NUS1: variants seen among roughly 807,000 people sequenced by gnomAD.
The protein encoded by NUS1 is dehydrodolichyl diphosphate synthase complex subunit NUS1.
For synonymous variants in NUS1, 135 were observed against 155.2 expected, an observed-to-expected ratio of 0.87 and a Z score of 0.97; for missense variants, 292 against 382.9, an observed-to-expected ratio of 0.76 and a Z score of 1.98.
rs1433668009 is a variant in NUS1, at chr6:117,675,869, C to T, written c.199C>T (p.Arg67Cys). ...GCCCCCGGCAGTCGGCAGGAACCGC[C>T]GTCACCACCGGCACCCGCGCGGGGG... ...RKPPAVGRNRRHHRHPRGGSC... is the reference protein window; with the variant it reads ...RKPPAVGRNRCHHRHPRGGSC... Residue 67 changes from arginine to cysteine, a missense_variant, in exon 1 of 5, where the codon CGT becomes TGT. By Grantham distance (180) the Arg-to-Cys change is radical. Transcript: ENST00000368494. 2 of 1,532,622 alleles carry T rather than the reference C, an allele frequency of 1.3e-6. No homozygotes were observed. Among genetic ancestry groups the T allele is most frequent in the South Asian group, 2.4e-5 (2 of 81,874 alleles). 94.9% of individuals were successfully genotyped at this position (1,532,622 alleles called of 1,614,324 possible). A position where few individuals can be genotyped will look rare whatever the true frequency, so the allele number is the denominator to read the frequency against.
intron 3 of NUS1, among the ~76,000 whole-genome samples, chr6:117,703,130 G>A (rs1773435135): frequency 1.3e-5 from 2 of 152,128 alleles, no homozygotes; most frequent in Non-Finnish European, 2.9e-5. Context: ...GTTCATAGCT[G>A]TAAAATGAGG....
At chr6:117,686,118 G>GTACGTAAATGCACCTGTCGTGGACTATA (rs1773135449) in intron 1 of NUS1, among the ~76,000 whole-genome samples, 2 of 151,604 alleles carry the variant, frequency 1.3e-5, no homozygotes, top group African/African-American at 2.4e-5. Context: ...AAAATTAGCC[G>GTACGTAAATGCACCTGTCGTGGACTATA]GGCGTGGTGG....
intron 1 of NUS1, among the ~76,000 whole-genome samples, chr6:117,684,050 GT>G (rs1241373483): frequency 6.6e-6 from 1 of 152,166 alleles, no homozygotes; most frequent in African/African-American, 2.4e-5. Context: ...CTTCTCCTCT[GT>G]TGTACTTCCA....
At chr6:117,682,694 A>G (rs922526314) in intron 1 of NUS1, among the ~76,000 whole-genome samples, 3 of 152,252 alleles carry the variant, frequency 2.0e-5, no homozygotes, top group Non-Finnish European at 2.9e-5. Context: ...GCCTTAAGTC[A>G]TTAGCAGTTT....
chr6:117,676,177 G>A (rs910998049), intron 1 of NUS1, 92 bp downstream of exon 1: 30 of 1,532,468 alleles, frequency 2.0e-5, no homozygotes, highest in Non-Finnish European at 2.6e-5. Context: ...ACGAGTTGCC[G>A]CGGCCTCTCT....
chr6:117,695,546 C>T (rs747726903), intron 3 of NUS1, among the ~76,000 whole-genome samples: 1 of 152,114 alleles, frequency 6.6e-6, no homozygotes, highest in Non-Finnish European at 1.5e-5. Context: ...CAAAGATGAC[C>T]TTCAGGTAGT....
Position 117,707,200 on chromosome 6 carries a change from CAT to C in NUS1, c.*186_*187del, listed in dbSNP as rs1444748111. 122 of 554,734 alleles carry C rather than the reference CAT, an allele frequency of 2.2e-4. No homozygotes were observed. Among genetic ancestry groups the C allele is most frequent in the Admixed American group, 7.3e-4 (25 of 34,174 alleles). The allele number at this position is 554,734 out of a possible 1,614,324, so 34.4% of individuals were successfully genotyped here. On this transcript the variant is annotated 3_prime_UTR_variant, in exon 5 of 5. Transcript: ENST00000368494. ...GTGTGTGTGCGTGTGCACGTGCACA[CAT>C]GTGCACGTTTGTATGTATGGAAATA... is the stretch of plus-strand genomic sequence containing the variant.
intron 3 of NUS1, among the ~76,000 whole-genome samples, chr6:117,698,929 T>C (rs747224613): frequency 2.6e-5 from 4 of 152,168 alleles, no homozygotes; most frequent in Non-Finnish European, 5.9e-5. Flanking sequence ...CAATTGATAC[T>C]GAAGAAGCAT....
rs149134225 is a variant in NUS1, at chr6:117,697,952, C to G, written c.691+3772C>G. On this transcript the variant is annotated intron_variant, in intron 3 of 4. Coordinates refer to ENST00000368494, the MANE Select transcript of NUS1 (RefSeq NM_138459.5). ...ACATTCACAAACATTGAAATAATATCAAGCATCTTCTCTGACCACAATGGA... is the reference window on the plus strand; with the variant it reads ...ACATTCACAAACATTGAAATAATATGAAGCATCTTCTCTGACCACAATGGA... Among the ~76,000 whole-genome samples the G allele has an allele frequency of 8.5e-4, 130 of 152,086 alleles. 1 individual carries two copies. The East Asian group carries it at 0.023, about 27-fold the overall frequency.
At chr6:117,694,007 T>C in intron 2 of NUS1, 24 bp from the exon 3 acceptor site, 1 of 1,591,704 alleles carries the variant, frequency 6.3e-7, no homozygotes, top group Non-Finnish European at 8.5e-7. Flanking sequence ...GTTTTTAAAA[T>C]ACATTGTTTG....
chr6:117,707,181 G>A lies in NUS1; in HGVS notation c.*166G>A. The A allele has an allele frequency of 1.6e-6, 1 of 625,346 alleles. No homozygotes were observed. Among genetic ancestry groups the A allele is most frequent in the Non-Finnish European group, 2.9e-6 (1 of 350,480 alleles). 38.7% of individuals were successfully genotyped at this position (625,346 alleles called of 1,614,324 possible). A position where few individuals can be genotyped will look rare whatever the true frequency, so the allele number is the denominator to read the frequency against. On this transcript the variant is annotated 3_prime_UTR_variant, in exon 5 of 5. Coordinates refer to ENST00000368494, the MANE Select transcript of NUS1 (RefSeq NM_138459.5). The stretch of plus-strand genomic sequence containing the variant: ...CTTACTTGAGAGTGAGTGTGTGTGT[G>A]TGCGTGTGCACGTGCACACATGTGC...
At chr6:117,687,592 A>ATT (rs1361945671) in intron 1 of NUS1, among the ~76,000 whole-genome samples, 2 of 152,134 alleles carry the variant, frequency 1.3e-5, no homozygotes, top group African/African-American at 4.8e-5. Context: ...AATTAGGAGA[A>ATT]TTTAACAGGC....
At chr6:117,695,166 C>T (rs1773298194) in intron 3 of NUS1, among the ~76,000 whole-genome samples, 1 of 124,812 alleles carries the variant, frequency 8.0e-6, no homozygotes, top group South Asian at 2.7e-4. Flanking sequence ...TACACTCTAG[C>T]CTGGGTGACG....
At chr6:117,686,461 A>G (rs908798412) in intron 1 of NUS1, among the ~76,000 whole-genome samples, 3 of 152,304 alleles carry the variant, frequency 2.0e-5, no homozygotes, top group Middle Eastern at 3.4e-3. Context: ...TTTCAGGCCA[A>G]ATTCTTAGAT....
chr6:117,705,298 G>T (rs1270911392), intron 4 of NUS1, among the ~76,000 whole-genome samples: 1 of 152,168 alleles, frequency 6.6e-6, no homozygotes, highest in Admixed American at 6.5e-5. Context: ...TCCAAGTATG[G>T]CAGCAGTGAT....
chr6:117,707,005 T>A lies in NUS1; in HGVS notation c.872T>A (p.Leu291Gln). 2 of 1,612,328 alleles carry A rather than the reference T, an allele frequency of 1.2e-6. No individual in the cohort carries two copies. Among genetic ancestry groups the A allele is most frequent in the South Asian group, 2.2e-5 (2 of 91,042 alleles). Residue 291 changes from leucine to glutamine, a missense_variant, in exon 5 of 5, where the codon CTG (leucine) becomes CAG (glutamine). Coordinates refer to ENST00000368494, the MANE Select transcript of NUS1 (RefSeq NM_138459.5). The stretch of plus-strand genomic sequence containing the variant: ...CAATATGCAGCCTGTGAACAGCGTC[T>A]GGGAAAGTAGTGGTCATTGGTTGCA... ...LRQYAACEQR[L>Q]GK is the part of the protein sequence containing the mutation.
Position 117,707,859 on chromosome 6 carries a change from T to C in NUS1, c.*844T>C, listed in dbSNP as rs1345583841. 2.6e-5 allele frequency: 4 copies of C among 152,548 alleles called. No individual in the cohort carries two copies. The highest frequency in any genetic ancestry group is 5.9e-5 in the Non-Finnish European group (4 of 68,040). The allele number at this position is 152,548 out of a possible 1,614,324, so 9.4% of individuals were successfully genotyped here. A position where few individuals can be genotyped will look rare whatever the true frequency, so the allele number is the denominator to read the frequency against. The stretch of plus-strand genomic sequence containing the variant: ...GCAAGCATAAAAGGTCAATAAGTTG[T>C]AATCTTGATAGTAAAGGTGGAAAAC... On this transcript the variant is annotated 3_prime_UTR_variant, in exon 5 of 5. Coordinates refer to ENST00000368494, the MANE Select transcript of NUS1 (RefSeq NM_138459.5).
At chr6:117,703,867 AGTTAGACAC>A (rs1008056625) in intron 4 of NUS1, among the ~76,000 whole-genome samples, 163 bp downstream of exon 4, 33 of 152,300 alleles carry the variant, frequency 2.2e-4, no homozygotes, top group African/African-American at 7.7e-4. Context: ...TACATAAATG[AGTTAGACAC>A]AAGAGAGTGT....
At chr6:117,693,899 G>A in intron 2 of NUS1, 132 bp from the exon 3 acceptor site, 1 of 863,178 alleles carries the variant, frequency 1.2e-6, no homozygotes, top group Non-Finnish European at 1.7e-6. Context: ...GAAATTGAAG[G>A]GCTTAAAAAA....
Sources: gnomAD v4.1 joint callset for allele counts (sites outside exome capture counted in the v4.1 genomes callset) on GRCh38, gnomAD v4.1.1 for gene constraint, MANE v1.5 for transcripts, NCBI Gene and HGNC (gene_info 2026-07-23, HGNC 2026-07-21) for gene names.